Variants in BPIFB4 observed in about 807,000 individuals in gnomAD.
The protein encoded by BPIFB4 is BPI fold containing family B member 4, also known as BPI fold-containing family B member 4.
In BPIFB4, 62 loss-of-function variants were observed where a neutral mutation model predicts 69.2. The ratio of observed to expected loss-of-function variants is 0.90; its 90% CI spans 0.73 to 1.11. The LOEUF (loss-of-function observed/expected upper bound fraction) is 1.11, where lower values mean the gene tolerates loss of function less well. Ranked by LOEUF, BPIFB4 falls within the 50% of genes least tolerant of loss-of-function variation. The probability of loss-of-function intolerance (pLI) is 0.00; values close to 1 mark genes in which losing one functional copy is unlikely to be tolerated. For synonymous variants in BPIFB4, 330 were observed against 332.7 expected (o/e 0.99, Z 0.09); for missense variants, 789 against 792.0 (o/e 1.00, Z 0.04).
chr20:33,105,177 A>C (rs914745271), intron 16 of BPIFB4, among the ~76,000 whole-genome samples: 1 of 151,996 alleles, frequency 6.6e-6, no homozygotes, highest in African/African-American at 2.4e-5. Flanking sequence ...TTTAAAAAAA[A>C]CTCACCTCGC....
intron 16 of BPIFB4, among the ~76,000 whole-genome samples, chr20:33,105,535 G>A (rs1982024861): frequency 6.6e-6 from 1 of 152,162 alleles, no homozygotes; most frequent in Non-Finnish European, 1.5e-5. Flanking sequence ...GCTGCTTGTT[G>A]AACTATGGGG....
intron 5 of BPIFB4, 104 bp downstream of exon 5, chr20:33,083,978 C>G: frequency 2.2e-6 from 3 of 1,345,108 alleles, no homozygotes; most frequent in Non-Finnish European, 3.0e-6. Context: ...TTCAGAGCCC[C>G]ACACACTTCA....
chr20:33,097,152 A>G (rs1419245588), intron 12 of BPIFB4, among the ~76,000 whole-genome samples: 1 of 152,148 alleles, frequency 6.6e-6, no homozygotes, highest in Non-Finnish European at 1.5e-5. Flanking sequence ...CTCTGAGCCC[A>G]CAGACATGCA....
chr20:33,089,409 T>C (rs1332221963), intron 8 of BPIFB4, 89 bp from the exon 9 acceptor site: 1 of 1,592,598 alleles, frequency 6.3e-7, no homozygotes, highest in African/African-American at 1.3e-5. Flanking sequence ...AGTCAGTAAA[T>C]TTTAGCTATC....
At chr20:33,092,325 A>C in intron 10 of BPIFB4, 133 bp from the exon 11 acceptor site, 1 of 691,098 alleles carries the variant, frequency 1.4e-6, no homozygotes, top group South Asian at 1.9e-5. Flanking sequence ...CATGCATCAA[A>C]GAGCCACTCA....
chr20:33,080,315 G>C (rs934622410), intron 1 of BPIFB4, among the ~76,000 whole-genome samples, 154 bp from the exon 2 acceptor site: 2 of 152,320 alleles, frequency 1.3e-5, no homozygotes, highest in Non-Finnish European at 2.9e-5. Flanking sequence ...CTGACTCTCT[G>C]AGGTTGGTGG....
chr20:33,104,883 G>A lies in BPIFB4; in HGVS notation c.1744+10G>A. On this transcript the variant is annotated intron_variant, in intron 16 of 17. Transcript: ENST00000375483. ...ATGCCCGCAATGAACGGTGAGAGCG[G>A]GTGCCTGTGCCTCTCTGGGAGCTTG... The A allele has an allele frequency of 2.5e-6, 4 of 1,613,876 alleles. No homozygotes were observed. The highest frequency in any genetic ancestry group is 2.5e-6 in the Non-Finnish European group (3 of 1,179,830).
rs148384178 is a variant in BPIFB4, at chr20:33,086,058, A to G, written c.820A>G (p.Ile274Val). ...CCTGGACATCGCAGTAGAAGTGAAC[A>G]TCACAGCCAAGGTCCGGCTGACCAT... ...GFLDIAVEVN[I>V]TAKVRLTMDR... Residue 274 changes from isoleucine (I) to valine (V), a missense_variant, in exon 7 of 18, where the codon ATC (isoleucine) becomes GTC (valine). Physicochemically the swap from Ile to Val is conservative, Grantham distance 29 (BLOSUM62 3). Coordinates refer to ENST00000375483, the MANE Select transcript of BPIFB4 (RefSeq NM_182519.3). The G allele has an allele frequency of 8.7e-6, 14 of 1,613,130 alleles. No individual in the cohort carries two copies. In the African/African-American group the frequency reaches 1.7e-4, roughly 20 times the overall value.
At chr20:33,103,576 TG>T (rs1401997516) in intron 15 of BPIFB4, among the ~76,000 whole-genome samples, 1 of 152,202 alleles carries the variant, frequency 6.6e-6, no homozygotes, top group Non-Finnish European at 1.5e-5. Flanking sequence ...TGTTCACTCT[TG>T]GGTGCCCCAC....
chr20:33,083,158 C>G (rs1314376312), intron 4 of BPIFB4, among the ~76,000 whole-genome samples, 158 bp downstream of exon 4: 3 of 131,826 alleles, frequency 2.3e-5, no homozygotes, highest in Non-Finnish European at 4.8e-5. Flanking sequence ...TACTGGGTGG[C>G]AGTGGCAGCA....
At chr20:33,084,189 AG>A (rs1981348339) in intron 5 of BPIFB4, among the ~76,000 whole-genome samples, 1 of 152,212 alleles carries the variant, frequency 6.6e-6, no homozygotes, top group Admixed American at 6.5e-5. Context: ...AAAGACCCCA[AG>A]GATTTAAAAA....
In BPIFB4 at chr20:33,097,706, G is replaced by A. The variant is rs771276877; in HGVS notation, c.1488G>A (p.Ala496=). ...CTGTGATGCTGCAGAAGGACAAAGCGCTGGTGAAGGTGTTGGCCACTGCCG... is the reference window on the plus strand; with the variant it reads ...CTGTGATGCTGCAGAAGGACAAAGCACTGGTGAAGGTGTTGGCCACTGCCG... ...PPSVMLQKDK[A]LVKVLATAEV... is the part of the protein sequence containing the mutation. Residue 496 remains alanine (A), a synonymous_variant, in exon 13 of 18, where the codon GCG becomes GCA. Transcript: ENST00000375483. 1.2e-5 allele frequency: 19 copies of A among 1,614,000 alleles called. No individual in the cohort carries two copies. The highest frequency in any genetic ancestry group is 5.5e-5 in the South Asian group (5 of 91,080).
At chr20:33,084,752 CT>C in intron 5 of BPIFB4, 139 bp from the exon 6 acceptor site, 1 of 1,433,436 alleles carries the variant, frequency 7.0e-7, no homozygotes, top group Admixed American at 2.7e-5. Context: ...ACATTCTGTC[CT>C]TGAACTGCAG....
intron 14 of BPIFB4, 61 bp from the exon 15 acceptor site, chr20:33,102,911 C>T (rs1981944913): frequency 6.5e-7 from 1 of 1,543,654 alleles, no homozygotes; most frequent in Non-Finnish European, 9.0e-7. Context: ...TGTTGCAATG[C>T]AAGAGCCTTA....
chr20:33,100,303 C>A (rs1304709516), intron 13 of BPIFB4, 123 bp from the exon 14 acceptor site: 2 of 757,124 alleles, frequency 2.6e-6, no homozygotes, highest in Admixed American at 4.4e-5. Flanking sequence ...CCTCGGGGAA[C>A]AACCTGCCAT....
chr20:33,105,651 G>C (rs1982027907), intron 16 of BPIFB4, among the ~76,000 whole-genome samples: 1 of 152,164 alleles, frequency 6.6e-6, no homozygotes, highest in Admixed American at 6.5e-5. Flanking sequence ...AGACAAGGAG[G>C]GCTGGCACAT....
Position 33,111,636 on chromosome 20 carries a change from C to T in BPIFB4, c.*199C>T, listed in dbSNP as rs948848807. The T allele has an allele frequency of 1.6e-4, 102 of 627,678 alleles. No individual in the cohort carries two copies. The highest frequency in any genetic ancestry group is 1.6e-3 in the African/African-American group (89 of 54,874). The allele number at this position is 627,678 out of a possible 1,614,324, so 38.9% of individuals were successfully genotyped here. On this transcript the variant is annotated 3_prime_UTR_variant, in exon 18 of 18. Coordinates refer to ENST00000375483, the MANE Select transcript of BPIFB4 (RefSeq NM_182519.3). ...TACCCTGTTGGCAAACATTCCCTTC[C>T]ATGGTCAGCCTGCCAGGAGGAGGGG...
At chr20:33,080,881 A>G (rs1981208643) in intron 2 of BPIFB4, among the ~76,000 whole-genome samples, 1 of 152,024 alleles carries the variant, frequency 6.6e-6, no homozygotes, top group Non-Finnish European at 1.5e-5. Flanking sequence ...GGGAAGATGG[A>G]TGGATGGTGG....
intron 8 of BPIFB4, 37 bp downstream of exon 8, chr20:33,089,066 G>C (rs1981520606): frequency 6.2e-7 from 1 of 1,613,582 alleles, no homozygotes; most frequent in Non-Finnish European, 8.5e-7. Flanking sequence ...AAGGGGCACA[G>C]GCTTCCCCCA....
Sources: gnomAD v4.1 joint callset for allele counts (sites outside exome capture counted in the v4.1 genomes callset) on GRCh38, gnomAD v4.1.1 for gene constraint, MANE v1.5 for transcripts, NCBI Gene and HGNC (gene_info 2026-07-23, HGNC 2026-07-21) for gene names.